GABRA5: variants seen among roughly 807,000 people sequenced by gnomAD.
GABRA5 encodes gamma-aminobutyric acid receptor subunit alpha-5.
A neutral mutation model predicts 47.3 loss-of-function variants in GABRA5; 18 were observed. The ratio of observed to expected loss-of-function variants is 0.38; its 90% CI spans 0.26 to 0.56. GABRA5 has a LOEUF of 0.56. Ranked by LOEUF, GABRA5 falls within the 20% of genes least tolerant of loss-of-function variation. The probability of loss-of-function intolerance (pLI) is 0.71; values close to 1 mark genes in which losing one functional copy is unlikely to be tolerated. For synonymous variants in GABRA5, 237 were observed against 229.3 expected (o/e 1.03, Z -0.30); for missense variants, 365 against 599.3 (o/e 0.61, Z 4.08).
chr15:26,877,990 A>G (rs1413026039), intron 3 of GABRA5, among the ~76,000 whole-genome samples: 1 of 152,236 alleles, frequency 6.6e-6, no homozygotes, highest in African/African-American at 2.4e-5. Flanking sequence ...CAGGATGAGC[A>G]GAGCTCCTGG....
At chr15:26,913,840 T>C (rs1337242705) in intron 6 of GABRA5, among the ~76,000 whole-genome samples, 1 of 152,178 alleles carries the variant, frequency 6.6e-6, no homozygotes, top group East Asian at 1.9e-4. Context: ...CTATGCCGCC[T>C]GTGGTGGTGC....
intron 7 of GABRA5, among the ~76,000 whole-genome samples, chr15:26,926,623 G>A (rs1893968310): frequency 6.6e-6 from 1 of 152,170 alleles, no homozygotes; most frequent in Non-Finnish European, 1.5e-5. Context: ...GGGAATCACT[G>A]ATTGATGTCT....
chr15:26,899,833 A>G (rs1893284672), intron 6 of GABRA5, among the ~76,000 whole-genome samples: 2 of 152,270 alleles, frequency 1.3e-5, no homozygotes, highest in South Asian at 4.1e-4. Flanking sequence ...ATATATCTAT[A>G]TCGATTCTGC....
chr15:26,944,898 G>A (rs1335854615), intron 10 of GABRA5, among the ~76,000 whole-genome samples: 1 of 152,128 alleles, frequency 6.6e-6, no homozygotes, highest in Non-Finnish European at 1.5e-5. Context: ...TAGGAGGAAC[G>A]TGAGCCCCCG....
At chr15:26,897,551 C>T (rs1032861788) in intron 6 of GABRA5, among the ~76,000 whole-genome samples, 1 of 152,202 alleles carries the variant, frequency 6.6e-6, no homozygotes, top group African/African-American at 2.4e-5. Context: ...AGCTCCAGTG[C>T]TGTGCAAATG....
intron 7 of GABRA5, among the ~76,000 whole-genome samples, chr15:26,916,639 T>C (rs149822479): frequency 7.4e-4 from 113 of 152,272 alleles, no homozygotes; most frequent in African/African-American, 2.6e-3. Context: ...GGGCATTGTA[T>C]TGAATCTAAA....
At chr15:26,929,235 G>A (rs912881799) in intron 7 of GABRA5, among the ~76,000 whole-genome samples, 6 of 152,220 alleles carry the variant, frequency 3.9e-5, no homozygotes, top group Admixed American at 1.3e-4. Flanking sequence ...CAGACAAGTT[G>A]TGTGCTTCCA....
In GABRA5 at chr15:26,874,985, C is replaced by T. The variant is rs143753550; in HGVS notation, c.86+5651C>T. The stretch of plus-strand genomic sequence containing the variant: ...CTCTGTCCACATGCTCTCTGTGTGA[C>T]GTCAGAAGAGTTACTTCACCTGCCT... On this transcript the variant is annotated intron_variant, in intron 3 of 10. Coordinates refer to ENST00000335625, the MANE Select transcript of GABRA5 (RefSeq NM_000810.4). Among the ~76,000 whole-genome samples the T allele has an allele frequency of 9.7e-3, 1,481 of 152,300 alleles. 13 individuals carry two copies. Among genetic ancestry groups the T allele is most frequent in the South Asian group, 0.043 (207 of 4,828 alleles).
At chr15:26,877,675 C>T (rs972377171) in intron 3 of GABRA5, 91 of 455,496 alleles carry the variant, frequency 2.0e-4, no homozygotes, top group Admixed American at 2.0e-3. Flanking sequence ...CCAGAAATGA[C>T]GCCACAACTT....
chr15:26,886,142 C>T (rs995163418), intron 6 of GABRA5, among the ~76,000 whole-genome samples: 1 of 152,088 alleles, frequency 6.6e-6, no homozygotes, highest in African/African-American at 2.4e-5. Context: ...GCCTCAGCCT[C>T]CCAAGTAGCT....
At chr15:26,914,263 G>C (rs578069545) in intron 6 of GABRA5, among the ~76,000 whole-genome samples, 10 of 152,244 alleles carry the variant, frequency 6.6e-5, no homozygotes, top group African/African-American at 2.4e-4. Context: ...GTTATAGCCA[G>C]GTTCCGGTCA....
chr15:26,900,343 AT>A (rs1893297746), intron 6 of GABRA5, among the ~76,000 whole-genome samples: 1 of 152,144 alleles, frequency 6.6e-6, no homozygotes, highest in African/African-American at 2.4e-5. Context: ...GGGATAAAAA[AT>A]GGGTTACAAA....
chr15:26,874,327 T>A (rs77522906), intron 3 of GABRA5, among the ~76,000 whole-genome samples: 57,623 of 151,588 alleles, frequency 0.38, 11,130 homozygotes, highest in East Asian at 0.47. Context: ...ATTTTTTTTT[T>A]AAATGCACTG....
chr15:26,929,348 G>A (rs550104472), intron 7 of GABRA5, among the ~76,000 whole-genome samples: 3 of 152,180 alleles, frequency 2.0e-5, no homozygotes, highest in African/African-American at 4.8e-5. Context: ...AGAACCGAGC[G>A]GGGCAAGTTC....
chr15:26,902,110 T>C (rs1489365447), intron 6 of GABRA5, among the ~76,000 whole-genome samples: 1 of 152,108 alleles, frequency 6.6e-6, no homozygotes, highest in East Asian at 1.9e-4. Context: ...TCCCTCGATA[T>C]CATTATGGCT....
intron 6 of GABRA5, among the ~76,000 whole-genome samples, chr15:26,887,974 T>C (rs1311942321): frequency 6.6e-6 from 1 of 152,208 alleles, no homozygotes; most frequent in Non-Finnish European, 1.5e-5. Context: ...TTAACTGTAT[T>C]GAATAAGATT....
intron 6 of GABRA5, among the ~76,000 whole-genome samples, chr15:26,906,548 C>T (rs1893448891): frequency 6.6e-6 from 1 of 152,100 alleles, no homozygotes; most frequent in Non-Finnish European, 1.5e-5. Context: ...AGCTTTACAG[C>T]CCTTGTTCAT....
chr15:26,866,740 A>C (rs986421592), upstream of GABRA5: 17 of 152,394 alleles, frequency 1.1e-4, no homozygotes, highest in Middle Eastern at 3.4e-3. Flanking sequence ...AGAGATGCGC[A>C]TGTAAGGGGT....
intron 6 of GABRA5, among the ~76,000 whole-genome samples, chr15:26,899,998 TG>T (rs1253020296): frequency 1.3e-5 from 2 of 152,134 alleles, no homozygotes; most frequent in South Asian, 2.1e-4. Context: ...GTTTAATTGA[TG>T]TTTTTTAGCG....
Sources: allele counts gnomAD v4.1 joint callset (sites outside exome capture counted in the v4.1 genomes callset), GRCh38; gene constraint gnomAD v4.1.1; transcripts MANE v1.5; gene names NCBI Gene and HGNC (gene_info 2026-07-23, HGNC 2026-07-21).